The following NAV2 variants were observed in gnomAD, a reference collection of about 807,000 sequenced individuals.
The protein encoded by NAV2 is helicase, APC down-regulated 1.
In NAV2, 54 loss-of-function variants were observed where a neutral mutation model predicts 223.2. The observed-to-expected ratio is 0.24, with a 90% confidence interval of 0.19 to 0.30. The LOEUF (loss-of-function observed/expected upper bound fraction) is 0.30. Among genes scored for constraint, NAV2 ranks in the 10% least tolerant of loss-of-function variants. The pLI is 1.00. For synonymous variants in NAV2, 1,279 were observed against 1,239.3 expected (o/e 1.03, Z -0.67); for missense variants, 2,806 against 3,147.5 (o/e 0.89, Z 2.60).
chr11:20,114,408 T>G, intron 36 of NAV2, 184 bp from the exon 37 acceptor site: 1 of 618,326 alleles, frequency 1.6e-6, no homozygotes, highest in South Asian at 1.9e-5. Flanking sequence ...CATGCTGCCT[T>G]CAGCCTTAGC....
At chr11:20,112,354 G>C (rs530636275) in intron 36 of NAV2, among the ~76,000 whole-genome samples, 12 of 152,324 alleles carry the variant, frequency 7.9e-5, no homozygotes, top group Admixed American at 7.8e-4. Context: ...GACTGGGCCA[G>C]AGCGCAGGAC....
At chr11:20,051,360 T>C (rs780559274) in intron 17 of NAV2, 27 bp downstream of exon 17, 3 of 1,610,834 alleles carry the variant, frequency 1.9e-6, no homozygotes, top group South Asian at 1.1e-5. Flanking sequence ...CTTGCATCTG[T>C]GCCATCTGTT....
chr11:19,731,721 A>G (rs906010890), intron 1 of NAV2, among the ~76,000 whole-genome samples: 3 of 152,142 alleles, frequency 2.0e-5, no homozygotes, highest in African/African-American at 7.2e-5. Flanking sequence ...CGATCATTTA[A>G]CCTCTTGAGC....
At chr11:19,733,226 G>A (rs1043765688) in intron 1 of NAV2, among the ~76,000 whole-genome samples, 1 of 152,238 alleles carries the variant, frequency 6.6e-6, no homozygotes, top group Admixed American at 6.5e-5. Flanking sequence ...TTTGCTGTGT[G>A]CTCAGCTCTG....
intron 12 of NAV2, among the ~76,000 whole-genome samples, chr11:20,041,584 C>T (rs1415823254): frequency 1.3e-5 from 2 of 152,084 alleles, no homozygotes; most frequent in Admixed American, 1.3e-4. Flanking sequence ...ATTTTCAGTA[C>T]CTCTTAGAGC....
chr11:19,837,939 G>C (rs1469605519), intron 2 of NAV2, among the ~76,000 whole-genome samples: 1 of 151,528 alleles, frequency 6.6e-6, no homozygotes, highest in African/African-American at 2.4e-5. Flanking sequence ...CTAGTTCTTT[G>C]GAAATAAACA....
intron 1 of NAV2, among the ~76,000 whole-genome samples, chr11:19,467,693 T>G (rs1314812176): frequency 6.6e-6 from 1 of 152,226 alleles, no homozygotes; most frequent in Admixed American, 6.5e-5. Context: ...AATGGCATCT[T>G]GCTGCCAGAA....
chr11:19,794,145 A>C (rs1347619592), intron 1 of NAV2, among the ~76,000 whole-genome samples: 1 of 152,196 alleles, frequency 6.6e-6, no homozygotes, highest in East Asian at 1.9e-4. Flanking sequence ...TATCTGGTTC[A>C]AAGGTAGGGC....
rs753980940 is a variant in NAV2 at position 20,077,546 on chromosome 11, C to T, written c.4984-6C>T. 1.9e-6 allele frequency: 3 copies of T among 1,611,528 alleles called. No homozygotes were observed. Among genetic ancestry groups the T allele is most frequent in the Non-Finnish European group, 2.5e-6 (3 of 1,177,768 alleles). ...AATATAACTGAGGTTGTGTCTTCCC[C>T]TCCAGGCTCACCTTGTGGCAGCCTT... On this transcript the variant is annotated splice_polypyrimidine_tract_variant and splice_region_variant and intron_variant, in intron 22 of 37. Coordinates refer to ENST00000349880, the MANE Select transcript of NAV2 (RefSeq NM_145117.5).
Position 20,072,471 on chromosome 11 carries a change from G to C in NAV2, c.4983+4073G>C, listed in dbSNP as rs566651642. Among the ~76,000 whole-genome samples the C allele has an allele frequency of 1.6e-4, 25 of 152,234 alleles. 1 individual carries two copies. The highest frequency in any genetic ancestry group is 3.4e-3 in the Middle Eastern group (1 of 294). Reference sequence around the variant, plus strand: ...AGTAGTTTTTTTACAATTCTGTGAAGAAAGTCATTGGTAGCTTGATGGGGA... The same window carrying C: ...AGTAGTTTTTTTACAATTCTGTGAACAAAGTCATTGGTAGCTTGATGGGGA... On this transcript the variant is annotated intron_variant, in intron 22 of 37. Transcript: ENST00000349880.
intron 6 of NAV2, among the ~76,000 whole-genome samples, chr11:19,920,734 T>G (rs1323855493): frequency 6.6e-6 from 1 of 152,240 alleles, no homozygotes; most frequent in Non-Finnish European, 1.5e-5. Context: ...AAGTTGGACT[T>G]GAACCCATTC....
intron 11 of NAV2, among the ~76,000 whole-genome samples, chr11:20,030,450 A>G (rs547114230): frequency 7.9e-5 from 12 of 152,364 alleles, no homozygotes; most frequent in African/African-American, 1.2e-4. Context: ...CTTAGAAATC[A>G]CATCTATAAA....
At chr11:19,794,313 C>T (rs143911379) in intron 1 of NAV2, among the ~76,000 whole-genome samples, 7 of 152,254 alleles carry the variant, frequency 4.6e-5, no homozygotes, top group East Asian at 1.9e-4. Context: ...GGGTCCCACA[C>T]GCCATATATC....
chr11:19,824,675 G>T (rs2059557970), intron 1 of NAV2, among the ~76,000 whole-genome samples: 1 of 152,054 alleles, frequency 6.6e-6, no homozygotes, highest in South Asian at 2.1e-4. Flanking sequence ...GAGGAAAGTG[G>T]GAAAAAGCCA....
chr11:19,986,273 C>T (rs1161875444), intron 11 of NAV2, among the ~76,000 whole-genome samples: 2 of 152,296 alleles, frequency 1.3e-5, no homozygotes, highest in East Asian at 3.9e-4. Context: ...AAATGGACAA[C>T]AATGTCCTTT....
At chr11:19,895,395 C>G (rs578027046) in intron 6 of NAV2, among the ~76,000 whole-genome samples, 2 of 152,234 alleles carry the variant, frequency 1.3e-5, no homozygotes, top group South Asian at 4.2e-4. Context: ...AGTATGGTAC[C>G]TGATCTTTAC....
At chr11:19,491,494 C>CA (rs1468766722) in intron 1 of NAV2, among the ~76,000 whole-genome samples, 1 of 152,154 alleles carries the variant, frequency 6.6e-6, no homozygotes, top group East Asian at 1.9e-4. Context: ...CTTCATGAAC[C>CA]AACCTCTACT....
At chr11:20,095,090 A>G (rs1348072244) in intron 29 of NAV2, among the ~76,000 whole-genome samples, 1 of 152,234 alleles carries the variant, frequency 6.6e-6, no homozygotes, top group East Asian at 1.9e-4. Context: ...AAAACAATAA[A>G]TGTTATTTAA....
intron 1 of NAV2, among the ~76,000 whole-genome samples, chr11:19,740,130 G>A (rs2152454184): frequency 1.3e-5 from 2 of 152,242 alleles, no homozygotes; most frequent in South Asian, 4.2e-4. Flanking sequence ...ATGCTGGAAG[G>A]GATCTCCGGA....
Sources: allele counts gnomAD v4.1 joint callset (sites outside exome capture counted in the v4.1 genomes callset), GRCh38; gene constraint gnomAD v4.1.1; transcripts MANE v1.5; gene names NCBI Gene and HGNC (gene_info 2026-07-23, HGNC 2026-07-21).